Variants in PRELID2 observed in about 807,000 individuals in gnomAD.
PRELID2 encodes the protein PRELI domain-containing protein 2.
PRELID2 carries 25 observed loss-of-function variants against 28.4 expected under a neutral mutation model. That is an observed-to-expected ratio of 0.88 (90% CI 0.64 to 1.23). PRELID2 has a LOEUF of 1.23. PRELID2 is among the 50% of genes most tolerant of loss of function. The pLI, the probability that PRELID2 is intolerant of heterozygous loss-of-function variation, is 0.00. For missense variants in PRELID2, 201 were observed against 214.4 expected (o/e 0.94, Z 0.39); for synonymous variants, 76 against 71.6 (o/e 1.06, Z -0.31).
At chr5:145,545,821 G>A (rs1752781727) in intron 1 of PRELID2, among the ~76,000 whole-genome samples, 1 of 152,112 alleles carries the variant, frequency 6.6e-6, no homozygotes, top group Admixed American at 6.6e-5. Flanking sequence ...AGGAACATAA[G>A]CTTCAATATC....
At chr5:145,320,013 C>T in the PRELID2 span, among the ~76,000 whole-genome samples, 1 of 152,214 alleles carries the variant, frequency 6.6e-6, no homozygotes. Context: ...TACTTCCTTT[C>T]CCAAAGGGAA....
chr5:145,362,213 G>C, the PRELID2 span, among the ~76,000 whole-genome samples: 1 of 152,268 alleles, frequency 6.6e-6, no homozygotes, highest in East Asian at 1.9e-4. Context: ...TCAAGACAGT[G>C]TGTTTAAATG....
At chr5:145,646,291 A>G (rs1162482593) in intron 1 of PRELID2, among the ~76,000 whole-genome samples, 2 of 152,056 alleles carry the variant, frequency 1.3e-5, no homozygotes, top group Non-Finnish European at 2.9e-5. Flanking sequence ...TTGATCTTCA[A>G]TCTCTGATAT....
chr5:145,357,794 G>T, the PRELID2 span, among the ~76,000 whole-genome samples: 1 of 152,066 alleles, frequency 6.6e-6, no homozygotes. Context: ...GACCTACTGT[G>T]GTTGTTTGGA....
chr5:145,672,462 T>C (rs1263376908), intron 1 of PRELID2, among the ~76,000 whole-genome samples: 1 of 151,676 alleles, frequency 6.6e-6, no homozygotes, highest in African/African-American at 2.4e-5. Flanking sequence ...AGGAATGGCT[T>C]TTTTGAAGCT....
In PRELID2 at chr5:145,637,140, GA is replaced by G. The variant is rs374410967; in HGVS notation, n.70+127790del. The stretch of plus-strand genomic sequence containing the variant: ...TCAATTCATATCAGAAACTGACCAT[GA>G]AAAAAAAACAGTTCTAAAGGTCTTC... On this transcript the variant is annotated intron_variant and non_coding_transcript_variant, in intron 1 of 2. Transcript: ENST00000510259. Among the ~76,000 whole-genome samples the G allele has an allele frequency of 2.6e-3, 383 of 148,792 alleles. 2 individuals are homozygous for G. Among genetic ancestry groups the G allele is most frequent in the African/African-American group, 9.1e-3 (367 of 40,544 alleles).
At chr5:145,515,634 T>G (rs1752509110) in intron 1 of PRELID2, among the ~76,000 whole-genome samples, 1 of 152,190 alleles carries the variant, frequency 6.6e-6, no homozygotes, top group Admixed American at 6.5e-5. Context: ...TCTTCCTAAC[T>G]CATTTTATGA....
the PRELID2 span, among the ~76,000 whole-genome samples, chr5:145,445,026 A>T: frequency 6.6e-6 from 1 of 152,140 alleles, no homozygotes; most frequent in African/African-American, 2.4e-5. Context: ...ATAGATTTTT[A>T]AAATCTTAAA....
chr5:145,335,872 T>A, the PRELID2 span, among the ~76,000 whole-genome samples: 147 of 152,282 alleles, frequency 9.7e-4, no homozygotes, highest in Non-Finnish European at 4.1e-4. Context: ...GGGTTGAACT[T>A]GTTTACAGTC....
chr5:145,591,331 G>T (rs1168300512), intron 1 of PRELID2, among the ~76,000 whole-genome samples: 1 of 151,228 alleles, frequency 6.6e-6, no homozygotes, highest in Non-Finnish European at 1.5e-5. Context: ...ACATTGATTT[G>T]GCCATAACAT....
At position 145,598,354 on chromosome 5, in the gene PRELID2, C is replaced by T. The variant is rs191178878; in HGVS notation, n.71-125039G>A. 1.4e-3 allele frequency among the ~76,000 whole-genome samples: 212 copies of T among 152,170 alleles called. 1 individual carries two copies. Among genetic ancestry groups the T allele is most frequent in the African/African-American group, 3.5e-3 (145 of 41,538 alleles). On this transcript the variant is annotated intron_variant and non_coding_transcript_variant, in intron 1 of 2. Transcript: ENST00000510259. ...CTCTAAGTAATAGGGTGCTGCTGAA[C>T]GCTTTGAGCAGAAGCATGACAAGAT... is the stretch of plus-strand genomic sequence containing the variant.
chr5:145,229,272 A>T, the PRELID2 span: 3 of 755,448 alleles, frequency 4.0e-6, no homozygotes, highest in South Asian at 4.0e-5. Flanking sequence ...GAGTTCTACA[A>T]CTGGTTCAAG....
intron 1 of PRELID2, among the ~76,000 whole-genome samples, chr5:145,528,399 T>TA (rs1439262034): frequency 1.3e-5 from 2 of 152,108 alleles, no homozygotes; most frequent in Non-Finnish European, 2.9e-5. Context: ...AATAAATCTA[T>TA]AATGACGGAA....
intron 5 of PRELID2, among the ~76,000 whole-genome samples, chr5:145,783,392 G>A (rs1411770499): frequency 6.6e-6 from 1 of 152,182 alleles, no homozygotes; most frequent in African/African-American, 2.4e-5. Flanking sequence ...TGTTTTCCCT[G>A]CAAAAGCTAT....
At chr5:145,799,227 T>TA (rs546513099) in intron 4 of PRELID2, among the ~76,000 whole-genome samples, 1,575 of 134,066 alleles carry the variant, frequency 0.012, 11 homozygotes, top group Non-Finnish European at 0.016. Flanking sequence ...ATACTGAAAT[T>TA]AAAAAAAAAA....
At chr5:145,503,389 A>G (rs1421063969) in intron 1 of PRELID2, among the ~76,000 whole-genome samples, 2 of 152,184 alleles carry the variant, frequency 1.3e-5, no homozygotes, top group Admixed American at 1.3e-4. Flanking sequence ...AAATTAAGAG[A>G]AAAACAAATA....
the PRELID2 span, among the ~76,000 whole-genome samples, chr5:145,257,919 T>A: frequency 1.3e-5 from 2 of 152,244 alleles, no homozygotes; most frequent in South Asian, 4.2e-4. Flanking sequence ...TTCTCATGCA[T>A]GGTTTAGCAT....
rs1580997582 is a variant in PRELID2, at chr5:145,605,385, G to A, written n.71-132070C>T. On this transcript the variant is annotated intron_variant and non_coding_transcript_variant, in intron 1 of 2. Transcript: ENST00000510259. Reference sequence around the variant, plus strand: ...GGAAGGGGTCAGGCAAAAATCTTCTGCATATGGCTAGGCACTTATCCCAGC... The same window carrying A: ...GGAAGGGGTCAGGCAAAAATCTTCTACATATGGCTAGGCACTTATCCCAGC... 2.6e-5 allele frequency among the ~76,000 whole-genome samples: 4 copies of A among 152,150 alleles called. No individual in the cohort carries two copies. In the South Asian group the frequency reaches 8.3e-4, roughly 32 times the overall value.
intron 5 of PRELID2, among the ~76,000 whole-genome samples, chr5:145,765,536 G>A (rs1757693470): frequency 6.6e-6 from 1 of 152,108 alleles, no homozygotes; most frequent in Non-Finnish European, 1.5e-5. Flanking sequence ...TGTCCCTCCA[G>A]GGGCAGCATA....
Sources: gnomAD v4.1 joint callset for allele counts (sites outside exome capture counted in the v4.1 genomes callset) on GRCh38, gnomAD v4.1.1 for gene constraint, MANE v1.5 for transcripts, NCBI Gene and HGNC (gene_info 2026-07-23, HGNC 2026-07-21) for gene names.